The following BTBD9 variants were observed in gnomAD, a reference collection of about 807,000 sequenced individuals.
The protein encoded by BTBD9 is BTB/POZ domain-containing protein 9.
BTBD9 carries 49 observed loss-of-function variants against 64.3 expected under a neutral mutation model. The observed-to-expected ratio is 0.76, with a 90% CI of 0.61 to 0.97. BTBD9 has a LOEUF of 0.97. Ranked by LOEUF, BTBD9 falls within the 50% of genes least tolerant of loss-of-function variation. The pLI, the probability that BTBD9 is intolerant of heterozygous loss-of-function variation, is 0.00. For synonymous variants in BTBD9, 260 were observed against 274.7 expected, an observed-to-expected ratio of 0.95 and a Z score of 0.53; for missense variants, 598 against 762.1, an observed-to-expected ratio of 0.78 and a Z score of 2.53.
chr6:38,251,493 G>C (rs1764401363), intron 9 of BTBD9, among the ~76,000 whole-genome samples: 1 of 152,090 alleles, frequency 6.6e-6, no homozygotes, highest in Non-Finnish European at 1.5e-5. Flanking sequence ...TCGAACTCCT[G>C]ACCTCAGGTG....
At chr6:38,285,651 A>G (rs1356397875) in intron 8 of BTBD9, among the ~76,000 whole-genome samples, 1 of 152,186 alleles carries the variant, frequency 6.6e-6, no homozygotes, top group Admixed American at 6.5e-5. Context: ...TTCAAATTAG[A>G]AATGTCAGAA....
At chr6:38,416,501 A>ATT (rs70981549) in intron 6 of BTBD9, among the ~76,000 whole-genome samples, 9 of 86,736 alleles carry the variant, frequency 1.0e-4, no homozygotes, top group African/African-American at 2.9e-4. Flanking sequence ...TGCCCAGCTA[A>ATT]TTTTTTTTTT....
intron 6 of BTBD9, among the ~76,000 whole-genome samples, chr6:38,387,349 C>A (rs566802514): frequency 4.1e-4 from 63 of 152,242 alleles, no homozygotes; most frequent in African/African-American, 1.3e-3. Context: ...CCAGCCTGGC[C>A]AACATGGTGA....
chr6:38,611,563 AAT>A, intron 1 of BTBD9, among the ~76,000 whole-genome samples: 1 of 152,316 alleles, frequency 6.6e-6, no homozygotes, highest in East Asian at 1.9e-4. Flanking sequence ...GAATTAGCTA[AAT>A]ATGTGTCCAA....
chr6:38,585,042 A>G (rs575761670), intron 4 of BTBD9, among the ~76,000 whole-genome samples: 3 of 150,548 alleles, frequency 2.0e-5, no homozygotes, highest in Non-Finnish European at 4.4e-5. Context: ...AGGGACCGTC[A>G]TCCTATTAAA....
chr6:38,202,885 A>C (rs185829196), intron 9 of BTBD9, among the ~76,000 whole-genome samples: 2 of 152,342 alleles, frequency 1.3e-5, no homozygotes, highest in African/African-American at 4.8e-5. Context: ...TATGCACAGC[A>C]AAGTAAATAA....
chr6:38,504,006 T>G (rs79376232), intron 6 of BTBD9, among the ~76,000 whole-genome samples: 1 of 152,064 alleles, frequency 6.6e-6, no homozygotes, highest in African/African-American at 2.4e-5. Flanking sequence ...AATCCACTGA[T>G]CCCGCCACAG....
At chr6:38,200,897 G>GT (rs1219611176) in intron 9 of BTBD9, among the ~76,000 whole-genome samples, 2 of 152,290 alleles carry the variant, frequency 1.3e-5, no homozygotes, top group African/African-American at 4.8e-5. Flanking sequence ...GCACATGCCT[G>GT]TAATACCAGC....
chr6:38,614,500 C>T (rs972345983), intron 1 of BTBD9, among the ~76,000 whole-genome samples: 2 of 152,166 alleles, frequency 1.3e-5, no homozygotes, highest in Non-Finnish European at 2.9e-5. Flanking sequence ...ATTCCAGACC[C>T]CTATATTACC....
intron 6 of BTBD9, among the ~76,000 whole-genome samples, chr6:38,576,973 G>A (rs1288343438): frequency 1.3e-5 from 2 of 151,960 alleles, no homozygotes; most frequent in African/African-American, 2.4e-5. Context: ...CAACCATATC[G>A]AGGGCTGCGA....
chr6:38,601,788 G>GA (rs1174517388), intron 1 of BTBD9, among the ~76,000 whole-genome samples: 2 of 152,056 alleles, frequency 1.3e-5, no homozygotes, highest in African/African-American at 4.8e-5. Context: ...CTGCCCACAT[G>GA]AAAAATCCAT....
At chr6:38,215,413 C>T (rs1006778679) in intron 9 of BTBD9, among the ~76,000 whole-genome samples, 7 of 152,172 alleles carry the variant, frequency 4.6e-5, no homozygotes, top group African/African-American at 1.4e-4. Flanking sequence ...AGTTTACCCA[C>T]GCGCGAGTGA....
chr6:38,202,160 C>T (rs6935617), intron 9 of BTBD9, among the ~76,000 whole-genome samples: 116,805 of 148,992 alleles, frequency 0.78, 45,841 homozygotes, highest in East Asian at 0.92. Context: ...TCTCAGCTCA[C>T]TGCAACCTCC....
At chr6:38,196,028 G>A (rs1176567409) in intron 9 of BTBD9, among the ~76,000 whole-genome samples, 1 of 152,236 alleles carries the variant, frequency 6.6e-6, no homozygotes, top group Non-Finnish European at 1.5e-5. Context: ...CACACGGCCT[G>A]GAGCCAGTGA....
rs375888918 is a variant in BTBD9 at position 38,175,136 on chromosome 6, T to C, written c.1688A>G (p.Gln563Arg). Residue 563 changes from glutamine to arginine, a missense_variant, in exon 11 of 11, where the codon CAG (glutamine) becomes CGG (arginine). Coordinates refer to ENST00000481247, the MANE Select transcript of BTBD9 (RefSeq NM_001099272.2). ...CGATTCCTCACTATTTTCCTCCTTC[T>C]GGCTGCTCTGCTGCTCTGGACACTC... ...HFECPEQQSS[Q>R]KEENSEESGT... The C allele has an allele frequency of 1.2e-5, 20 of 1,614,042 alleles. No homozygotes were observed. Among genetic ancestry groups the C allele is most frequent in the Admixed American group, 8.3e-5 (5 of 60,008 alleles).
chr6:38,409,590 C>T (rs912679343), intron 6 of BTBD9, among the ~76,000 whole-genome samples: 3 of 151,624 alleles, frequency 2.0e-5, no homozygotes, highest in Admixed American at 6.6e-5. Context: ...TTTGGGAGGC[C>T]GAGGTGGGCA....
At chr6:38,633,082 TC>T (rs1355144760) in intron 1 of BTBD9, among the ~76,000 whole-genome samples, 1 of 152,202 alleles carries the variant, frequency 6.6e-6, no homozygotes, top group Admixed American at 6.5e-5. Context: ...CAGCCCCCAT[TC>T]CCTTCCATCC....
intron 4 of BTBD9, among the ~76,000 whole-genome samples, chr6:38,587,042 G>A (rs1423839590): frequency 5.3e-5 from 8 of 149,850 alleles, no homozygotes; most frequent in Non-Finnish European, 8.9e-5. Flanking sequence ...CAGTGTGGGT[G>A]ACAAGAGTGA....
At chr6:38,248,413 C>A (rs569965199) in intron 9 of BTBD9, among the ~76,000 whole-genome samples, 4 of 152,078 alleles carry the variant, frequency 2.6e-5, no homozygotes, top group Non-Finnish European at 5.9e-5. Context: ...AAAATGTTTG[C>A]GAGGGGCACA....
Sources: gnomAD v4.1 joint callset for allele counts (sites outside exome capture counted in the v4.1 genomes callset) on GRCh38, gnomAD v4.1.1 for gene constraint, MANE v1.5 for transcripts, NCBI Gene and HGNC (gene_info 2026-07-23, HGNC 2026-07-21) for gene names.